CD300E: variants seen among roughly 807,000 people sequenced by gnomAD.
CD300E encodes CD300e molecule, also known as CMRF35-like molecule 2.
CD300E carries 14 observed loss-of-function variants against 20.9 expected under a neutral mutation model. That is an observed-to-expected ratio of 0.67 (90% CI 0.44 to 1.05). CD300E has a LOEUF of 1.05. Among genes scored for constraint, CD300E ranks in the 50% least tolerant of loss-of-function variants. CD300E has a pLI of 0.00. For missense variants in CD300E, 237 were observed against 253.9 expected, an observed-to-expected ratio of 0.93 and a Z score of 0.45; for synonymous variants, 102 against 103.7, an observed-to-expected ratio of 0.98 and a Z score of 0.10.
At chr17:74,623,487 G>A in intron 1 of CD300E, 95 bp downstream of exon 1, 1 of 1,180,384 alleles carries the variant, frequency 8.5e-7, no homozygotes, top group Middle Eastern at 2.8e-4. Context: ...CCTTTTCTGT[G>A]GACACTTCAC....
intron 1 of CD300E, among the ~76,000 whole-genome samples, chr17:74,622,699 C>T (rs575008384): frequency 4.8e-4 from 73 of 151,802 alleles, no homozygotes; most frequent in Non-Finnish European, 8.8e-4. Context: ...TTACACCACA[C>T]CTTGTTCCGG....
chr17:74,621,224 C>T (rs2031015731), intron 1 of CD300E, among the ~76,000 whole-genome samples: 1 of 152,112 alleles, frequency 6.6e-6, no homozygotes, highest in Non-Finnish European at 1.5e-5. Context: ...CACCAAATTA[C>T]TGTTGTTTGA....
chr17:74,616,141 A>C (rs1335615946), intron 2 of CD300E, among the ~76,000 whole-genome samples: 1 of 152,050 alleles, frequency 6.6e-6, no homozygotes, highest in Non-Finnish European at 1.5e-5. Flanking sequence ...TCTAGGAAGG[A>C]AGTGAGGTCA....
chr17:74,617,616 A>C (rs2030933016), intron 1 of CD300E, 151 bp from the exon 2 acceptor site: 1 of 675,738 alleles, frequency 1.5e-6, no homozygotes, highest in Non-Finnish European at 2.5e-6. Context: ...GACCTAAGCC[A>C]AAGAGTCCCT....
intron 1 of CD300E, 111 bp downstream of exon 1, chr17:74,623,471 T>C: frequency 1.0e-6 from 1 of 973,830 alleles, no homozygotes; most frequent in South Asian, 1.5e-5. Context: ...AACGGATGTA[T>C]CTTTCCCTTT....
In CD300E at chr17:74,612,783, A is replaced by G. The variant is rs2030812533; in HGVS notation, c.498-10T>C. ...GCTGCTGAGCCGGAACCTGTGGTGG[A>G]CACGGTGAAAATGAGTCACTTCCCC... On this transcript the variant is annotated splice_polypyrimidine_tract_variant and intron_variant, in intron 3 of 3. Coordinates refer to ENST00000392619, the MANE Select transcript of CD300E (RefSeq NM_181449.3). 2.5e-6 allele frequency: 4 copies of G among 1,613,466 alleles called. No homozygotes were observed. Among genetic ancestry groups the G allele is most frequent in the Non-Finnish European group, 3.4e-6 (4 of 1,179,876 alleles).
At position 74,612,502 on chromosome 17, in the gene CD300E, G is replaced by T; in HGVS notation, c.*151C>A. On this transcript the variant is annotated 3_prime_UTR_variant, in exon 4 of 4. Transcript: ENST00000392619. ...TGCACATTGAGGACTCCAGAGGAGT[G>T]TCCTCTAAGAGCCAGGACCCTCCTT... 1.9e-6 allele frequency: 2 copies of T among 1,063,614 alleles called. No homozygotes were observed. The highest frequency in any genetic ancestry group is 2.7e-6 in the Non-Finnish European group (2 of 742,402). 65.9% of individuals were successfully genotyped at this position (1,063,614 alleles called of 1,614,324 possible).
chr17:74,618,522 T>G (rs1189352505), intron 1 of CD300E, among the ~76,000 whole-genome samples: 1 of 152,138 alleles, frequency 6.6e-6, no homozygotes, highest in East Asian at 1.9e-4. Flanking sequence ...GTGGGTCCTA[T>G]GACTATCTGG....
At chr17:74,616,532 G>A (rs998303416) in intron 2 of CD300E, among the ~76,000 whole-genome samples, 10 of 152,086 alleles carry the variant, frequency 6.6e-5, no homozygotes, top group Admixed American at 2.6e-4. Context: ...GCTGATGGTC[G>A]GCCTTGTCAA....
At position 74,614,075 on chromosome 17, in the gene CD300E, C is replaced by T. The variant is rs566304890; in HGVS notation, c.389-42G>A. On this transcript the variant is annotated intron_variant, in intron 2 of 3. Coordinates refer to ENST00000392619, the MANE Select transcript of CD300E (RefSeq NM_181449.3). Reference sequence around the variant, plus strand: ...TGATGCATCAGCCGTGCCTGGGCTCCCAGCCATGCACAGAACACCCGTATG... The same window carrying T: ...TGATGCATCAGCCGTGCCTGGGCTCTCAGCCATGCACAGAACACCCGTATG... The T allele has an allele frequency of 4.2e-5, 62 of 1,470,134 alleles. No homozygotes were observed. The South Asian group carries it at 7.0e-4, about 17-fold the overall frequency. 91.1% of individuals were successfully genotyped at this position (1,470,134 alleles called of 1,614,324 possible). A position where few individuals can be genotyped will look rare whatever the true frequency, so the allele number is the denominator to read the frequency against.
At chr17:74,613,747 C>T (rs138960000) in intron 3 of CD300E, among the ~76,000 whole-genome samples, 178 bp downstream of exon 3, 43 of 152,314 alleles carry the variant, frequency 2.8e-4, no homozygotes, top group African/African-American at 9.9e-4. Flanking sequence ...GCGTTCACAG[C>T]ACAAGTGATA....
rs1342770937 is a variant in CD300E, at chr17:74,612,702, C to T, written c.569G>A (p.Gly190Asp). 8 of 1,613,838 alleles carry T rather than the reference C, an allele frequency of 5.0e-6. No individual in the cohort carries two copies. Among genetic ancestry groups the T allele is most frequent in the East Asian group, 2.2e-5 (1 of 44,888 alleles). The part of the protein sequence containing the change: ...LKLPLLLSML[G>D]AVFWVNRPQW... The stretch of plus-strand genomic sequence containing the variant: ...AGGCCTGTTCACCCAGAAGACAGCA[C>T]CCAGCATGCTCAGGAGCAGGGGCAG... The change falls in exon 4 of 4, where the codon GGT becomes GAT. Residue 190 changes from glycine (G) to aspartate (D), a missense_variant. Transcript: ENST00000392619.
intron 3 of CD300E, 54 bp downstream of exon 3, chr17:74,613,871 C>G: frequency 8.0e-7 from 1 of 1,251,486 alleles, no homozygotes. Context: ...CCCCACCCCC[C>G]AGCTTCCACC....
chr17:74,611,473 G>A lies in CD300E; in HGVS notation c.*1180C>T, dbSNP rs2030776991. The A allele has an allele frequency of 6.6e-6, 1 of 152,302 alleles. No individual in the cohort carries two copies. Among genetic ancestry groups the A allele is most frequent in the South Asian group, 2.1e-4 (1 of 4,832 alleles). 9.4% of individuals were successfully genotyped at this position (152,302 alleles called of 1,614,324 possible). ...GTGGGAGTCCTCCCCACAAACTTTA[G>A]GGAAACAGAGTAATTGACAAACATT... On this transcript the variant is annotated 3_prime_UTR_variant, in exon 4 of 4. Transcript: ENST00000392619.
In CD300E at chr17:74,613,979, A is replaced by T; in HGVS notation, c.443T>A (p.Val148Glu). ...GCTGAGGTTTCGCCCAGGGTTCACC[A>T]CCAGGAAGATGGGAGGTGTGGCTGG... ...THPATPPIFL[V>E]VNPGRNLSTG... The change falls in exon 3 of 4, where the codon GTG becomes GAG. Residue 148 changes from valine to glutamate, a missense_variant. Val to Glu is a moderately radical substitution (Grantham distance 121, BLOSUM62 -2). Coordinates refer to ENST00000392619, the MANE Select transcript of CD300E (RefSeq NM_181449.3). 2.5e-6 allele frequency: 4 copies of T among 1,613,988 alleles called. No individual in the cohort carries two copies. The highest frequency in any genetic ancestry group is 3.4e-6 in the Non-Finnish European group (4 of 1,179,948).
chr17:74,620,833 C>G (rs1218969557), intron 1 of CD300E, among the ~76,000 whole-genome samples: 2 of 151,940 alleles, frequency 1.3e-5, no homozygotes, highest in Non-Finnish European at 2.9e-5. Flanking sequence ...GAGCGGATCA[C>G]TGGAGGTGAG....
chr17:74,619,575 G>T (rs2030975999), intron 1 of CD300E, among the ~76,000 whole-genome samples: 1 of 151,988 alleles, frequency 6.6e-6, no homozygotes, highest in South Asian at 2.1e-4. Flanking sequence ...CTTCAGCCCT[G>T]CTAGGAAGCA....
At chr17:74,622,749 T>TC (rs2031047357) in intron 1 of CD300E, among the ~76,000 whole-genome samples, 1 of 151,744 alleles carries the variant, frequency 6.6e-6, no homozygotes, top group African/African-American at 2.4e-5. Context: ...CATTTTTTTT[T>TC]TTCAGACAGG....
intron 3 of CD300E, 121 bp downstream of exon 3, chr17:74,613,802 CAG>C (rs1174433250): frequency 1.3e-5 from 8 of 638,684 alleles, no homozygotes; most frequent in Non-Finnish European, 2.3e-5. Flanking sequence ...GTATGAGAAT[CAG>C]GACCAGAGAT....
Sources: gnomAD v4.1 joint callset for allele counts (sites outside exome capture counted in the v4.1 genomes callset) on GRCh38, gnomAD v4.1.1 for gene constraint, MANE v1.5 for transcripts, NCBI Gene and HGNC (gene_info 2026-07-23, HGNC 2026-07-21) for gene names.